The following C1orf167 variants were observed in gnomAD, a reference collection of about 807,000 sequenced individuals.
The protein encoded by C1orf167 is chromosome 1 open reading frame 167, also known as uncharacterized protein C1orf167.
In C1orf167, 153 loss-of-function variants were observed where a neutral mutation model predicts 176.5. The ratio of observed to expected loss-of-function variants is 0.87; its 90% confidence interval spans 0.76 to 0.99. C1orf167 has a LOEUF of 0.99. Among genes scored for constraint, C1orf167 ranks in the 50% least tolerant of loss-of-function variants. The pLI is 0.00. For missense variants in C1orf167, 1,490 were observed against 1,817.7 expected (o/e 0.82, Z 3.28); for synonymous variants, 594 against 752.7 (o/e 0.79, Z 3.45).
At chr1:11,785,944 G>A (rs1643848610) in intron 16 of C1orf167, 1 of 151,926 alleles carries the variant, frequency 6.6e-6, no homozygotes. Context: ...TATTGCCCAA[G>A]CTGGTCTCGA....
At chr1:11,783,982 C>G (rs918365097) in intron 14 of C1orf167, among the ~76,000 whole-genome samples, 192 bp from the exon 15 acceptor site, 3 of 152,124 alleles carry the variant, frequency 2.0e-5, no homozygotes, top group Non-Finnish European at 4.4e-5. Context: ...CTCAGACTCC[C>G]AAGTAGCTGG....
rs1441005901 is a variant in C1orf167, at chr1:11,787,932, A to G, written c.3733A>G (p.Ser1245Gly). 7.7e-7 allele frequency: 1 copy of G among 1,303,210 alleles called. No homozygotes were observed. The allele number at this position is 1,303,210 out of a possible 1,614,324, so 80.7% of individuals were successfully genotyped here. A position where few individuals can be genotyped will look rare whatever the true frequency, so the allele number is the denominator to read the frequency against. ...FQLWPQWPGQSSWVPGLPLWT... is the reference protein window; with the variant it reads ...FQLWPQWPGQGSWVPGLPLWT... ...GCTCTGGCCACAGTGGCCTGGACAG[A>G]GTAGCTGGGTCCCAGGCCTGCCCCT... Residue 1245 changes from serine (S) to glycine (G), a missense_variant, in exon 18 of 21, where the codon AGT becomes GGT. Ser to Gly is a moderately conservative substitution (Grantham distance 56). Transcript: ENST00000688073.
rs1297352377 is a variant in C1orf167, at chr1:11,765,992, G to T, written c.206G>T (p.Cys69Phe). 2.3e-6 allele frequency: 3 copies of T among 1,289,100 alleles called. No homozygotes were observed. Among genetic ancestry groups the T allele is most frequent in the Non-Finnish European group, 3.0e-6 (3 of 988,414 alleles). The allele number at this position is 1,289,100 out of a possible 1,614,324, so 79.9% of individuals were successfully genotyped here. A position where few individuals can be genotyped will look rare whatever the true frequency, so the allele number is the denominator to read the frequency against. Residue 69 changes from cysteine to phenylalanine, a missense_variant, in exon 3 of 21, where the codon TGC becomes TTC. Coordinates refer to ENST00000688073, the MANE Select transcript of C1orf167 (RefSeq NM_001010881.2). ...SPGAVLDQEP[C>F]RVQTNLASPG... Reference sequence around the variant, plus strand: ...GGGGCAGTGCTAGACCAGGAGCCCTGCCGAGTCCAGACCAACCTGGCCAGC... The same window carrying T: ...GGGGCAGTGCTAGACCAGGAGCCCTTCCGAGTCCAGACCAACCTGGCCAGC...
chr1:11,768,004 G>T lies in C1orf167; in HGVS notation c.1344-73G>T. 1.7e-6 allele frequency: 2 copies of T among 1,144,154 alleles called. No homozygotes were observed. The highest frequency in any genetic ancestry group is 1.6e-5 in the African/African-American group (1 of 62,282). The allele number at this position is 1,144,154 out of a possible 1,614,324, so 70.9% of individuals were successfully genotyped here. A position where few individuals can be genotyped will look rare whatever the true frequency, so the allele number is the denominator to read the frequency against. On this transcript the variant is annotated intron_variant, in intron 4 of 20. Coordinates refer to ENST00000688073, the MANE Select transcript of C1orf167 (RefSeq NM_001010881.2). This position sits in a 1 kb window ranked among gnomAD's most constrained non-coding sequence, Gnocchi z 4.5. ...GATTGCTGGAAAGGCATCTCAGAGG[G>T]TATCCAGCCACTGGGCTGTCCCTGG... is the stretch of plus-strand genomic sequence containing the variant.
intron 14 of C1orf167, among the ~76,000 whole-genome samples, chr1:11,783,073 T>C (rs987195134): frequency 5.3e-5 from 8 of 152,038 alleles, no homozygotes; most frequent in Admixed American, 4.6e-4. Flanking sequence ...TGGTGGAACA[T>C]GTATACAGTT....
In C1orf167 at chr1:11,766,570, C is replaced by G. The variant is rs549690629; in HGVS notation, c.784C>G (p.Pro262Ala). The G allele has an allele frequency of 2.0e-4, 251 of 1,247,860 alleles. No individual in the cohort carries two copies. In the Middle Eastern group the frequency reaches 3.1e-3, roughly 15 times the overall value. The allele number at this position is 1,247,860 out of a possible 1,614,324, so 77.3% of individuals were successfully genotyped here. The change falls in exon 3 of 21, where the codon CCC (proline) becomes GCC (alanine). Residue 262 changes from proline to alanine, a missense_variant. Transcript: ENST00000688073. This position sits in a 1 kb window ranked among gnomAD's most constrained non-coding sequence, Gnocchi z 4.5. ...ACTCAGGTGCCAGGCTCCCCAGGAA[C>G]CCCCCGGTGCTGTGCAGCAGGACCT... ...ARLRCQAPQE[P>A]PGAVQQDLWT...
chr1:11,769,884 G>A (rs1466472176), intron 6 of C1orf167, among the ~76,000 whole-genome samples: 1 of 151,968 alleles, frequency 6.6e-6, no homozygotes, highest in Non-Finnish European at 1.5e-5. Context: ...TATTAGCCAG[G>A]ACCTCAAGTG....
At chr1:11,784,058 A>G in intron 14 of C1orf167, 116 bp from the exon 15 acceptor site, 1 of 930,698 alleles carries the variant, frequency 1.1e-6, no homozygotes, top group East Asian at 7.1e-5. Context: ...GGGTTTCACC[A>G]CGTTGGTCAG....
At chr1:11,779,632 A>G in intron 12 of C1orf167, 170 bp from the exon 13 acceptor site, 1 of 386,572 alleles carries the variant, frequency 2.6e-6, no homozygotes, top group Non-Finnish European at 4.8e-6. Context: ...ACCCTGGGAG[A>G]GGTGCTTGGC....
rs142719188 is a variant in C1orf167 at position 11,773,247 on chromosome 1, G to A, written c.1988+988G>A. Among the ~76,000 whole-genome samples, 76 of 152,088 alleles carry A rather than the reference G, an allele frequency of 5.0e-4. 1 individual carries two copies. The East Asian group carries it at 0.012, about 24-fold the overall frequency. Reference sequence around the variant, plus strand: ...AGCAGATAGGATAATAAACCCCAGCGCACCAATTACCCAGCTTCAACAAAA... The same window carrying A: ...AGCAGATAGGATAATAAACCCCAGCACACCAATTACCCAGCTTCAACAAAA... On this transcript the variant is annotated intron_variant, in intron 8 of 20. Coordinates refer to ENST00000688073, the MANE Select transcript of C1orf167 (RefSeq NM_001010881.2).
chr1:11,787,486 G>A lies in C1orf167; in HGVS notation c.3666G>A (p.Trp1222Ter), dbSNP rs769131343. The A allele has an allele frequency of 4.9e-5, 64 of 1,302,086 alleles. No individual in the cohort carries two copies. Among genetic ancestry groups the A allele is most frequent in the Non-Finnish European group, 6.4e-5 (63 of 988,338 alleles). 80.7% of individuals were successfully genotyped at this position (1,302,086 alleles called of 1,614,324 possible). ...GGRRKPRGTA[W>*]AQRCREHSLC... is the part of the protein sequence containing the mutation. ...GGAGGAAGCCAAGGGGAACGGCCTG[G>A]GCTCAGAGTAAGGAGACCTTGCCCC... The change falls in exon 17 of 21, where the codon TGG (tryptophan) becomes TGA (stop). Residue 1222 changes from tryptophan to a stop codon, truncating the protein, a stop_gained. Coordinates refer to ENST00000688073, the MANE Select transcript of C1orf167 (RefSeq NM_001010881.2). LOFTEE classifies it high-confidence loss of function.
rs58020814 is a variant in C1orf167 at position 11,771,031 on chromosome 1, A to ATGTG, written c.1698-477_1698-474dup. Among the ~76,000 whole-genome samples the ATGTG allele has an allele frequency of 2.5e-3, 87 of 35,014 alleles. 6 individuals carry two copies. The East Asian group carries it at 0.027, about 11-fold the overall frequency. 23.0% of individuals were successfully genotyped at this position (35,014 alleles called of 152,430 possible). On this transcript the variant is annotated intron_variant, in intron 6 of 20. Coordinates refer to ENST00000688073, the MANE Select transcript of C1orf167 (RefSeq NM_001010881.2). ...ATCACCTCTGGCAGCGTGTGTGTGT[A>ATGTG]TGTGTGTGTGTGTGTGTGTATATAT...
At chr1:11,771,746 C>A in intron 7 of C1orf167, 110 bp downstream of exon 7, 1 of 680,108 alleles carries the variant, frequency 1.5e-6, no homozygotes, top group Non-Finnish European at 2.2e-6. Context: ...GTTTATTTTG[C>A]ATCTGCTTTG....
chr1:11,767,277 C>T lies in C1orf167; in HGVS notation c.1343+13C>T. ...CTGAGGCAATCTGGTGAGGCCATGGCTGGGTGGGGACAGGGGTTGGAGTTG... is the reference window on the plus strand; with the variant it reads ...CTGAGGCAATCTGGTGAGGCCATGGTTGGGTGGGGACAGGGGTTGGAGTTG... On this transcript the variant is annotated intron_variant, in intron 4 of 20. Coordinates refer to ENST00000688073, the MANE Select transcript of C1orf167 (RefSeq NM_001010881.2). 1 of 1,285,800 alleles carries T rather than the reference C, an allele frequency of 7.8e-7. No homozygotes were observed. Among genetic ancestry groups the T allele is most frequent in the Non-Finnish European group, 1.0e-6 (1 of 985,840 alleles). The allele number at this position is 1,285,800 out of a possible 1,614,324, so 79.6% of individuals were successfully genotyped here. A position where few individuals can be genotyped will look rare whatever the true frequency, so the allele number is the denominator to read the frequency against.
chr1:11,768,434 C>T lies in C1orf167; in HGVS notation c.1542+159C>T, dbSNP rs1454501885. The T allele has an allele frequency of 3.2e-6, 2 of 617,716 alleles. No homozygotes were observed. Among genetic ancestry groups the T allele is most frequent in the Non-Finnish European group, 4.7e-6 (2 of 421,922 alleles). The allele number at this position is 617,716 out of a possible 1,614,324, so 38.3% of individuals were successfully genotyped here. ...TTGTGAGTCCACACACCTGAATCAG[C>T]TCTGCCTGAGTTCAAATCCTGCCCC... On this transcript the variant is annotated intron_variant, in intron 5 of 20. Transcript: ENST00000688073. The surrounding 1 kb of genome is among the most constrained non-coding windows in gnomAD (Gnocchi z 4.5).
rs1210583983 is a variant in C1orf167 at position 11,762,238 on chromosome 1, G to T, written c.-138G>T. On this transcript the variant is annotated 5_prime_UTR_variant, in exon 1 of 21. Coordinates refer to ENST00000688073, the MANE Select transcript of C1orf167 (RefSeq NM_001010881.2). Reference sequence around the variant, plus strand: ...ACCTGCCGACCTGCGGGGATCGTTAGCGGTCCCAGCCCCCGTCTAGATTCA... The same window carrying T: ...ACCTGCCGACCTGCGGGGATCGTTATCGGTCCCAGCCCCCGTCTAGATTCA... The T allele has an allele frequency of 2.3e-6, 1 of 442,878 alleles. No homozygotes were observed. Among genetic ancestry groups the T allele is most frequent in the Non-Finnish European group, 4.6e-6 (1 of 218,238 alleles). 27.4% of individuals were successfully genotyped at this position (442,878 alleles called of 1,614,324 possible).
In C1orf167 at chr1:11,767,056, GAC is replaced by G. The variant is rs141465134; in HGVS notation, c.1274_1275del (p.Thr425SerfsTer20). 4.1e-4 allele frequency: 509 copies of G among 1,230,446 alleles called. 1 individual carries two copies. The African/African-American group carries it at 7.2e-3, about 17-fold the overall frequency. 76.2% of individuals were successfully genotyped at this position (1,230,446 alleles called of 1,614,324 possible). A position where few individuals can be genotyped will look rare whatever the true frequency, so the allele number is the denominator to read the frequency against. On this transcript the variant is annotated frameshift_variant, in exon 3 of 21. Transcript: ENST00000688073. LOFTEE classifies it high-confidence loss of function. Reference protein sequence around the residue: ...EEERTAFHLSDTVPASSASKN... With the variant: ...EEERTAFHLSXTVPASSASKN... ...GGAGAGGACAGCTTTCCATCTGTCAGACACAGTCCCAGCGAGCAGTGCGTCGA... is the reference window on the plus strand; with the variant it reads ...GGAGAGGACAGCTTTCCATCTGTCAGACAGTCCCAGCGAGCAGTGCGTCGA...
intron 17 of C1orf167, 187 bp downstream of exon 17, chr1:11,787,680 G>A (rs911702434): frequency 1.4e-5 from 13 of 929,352 alleles, no homozygotes; most frequent in East Asian, 7.0e-5. Flanking sequence ...TTCCTGCCCC[G>A]CCCCTGTGAT....
At chr1:11,787,705 C>T (rs1032037057) in intron 17 of C1orf167, 168 bp from the exon 18 acceptor site, 2 of 1,047,984 alleles carry the variant, frequency 1.9e-6, no homozygotes, top group Non-Finnish European at 2.5e-6. Context: ...CTTTGGGCGG[C>T]AGGCAGCCGG....
Sources: allele counts gnomAD v4.1 joint callset (sites outside exome capture counted in the v4.1 genomes callset), GRCh38; gene constraint gnomAD v4.1.1; non-coding constraint Gnocchi (gnomAD v3.1); transcripts MANE v1.5; gene names NCBI Gene and HGNC (gene_info 2026-07-23, HGNC 2026-07-21).